Variants in SIDT1 observed in about 807,000 individuals in gnomAD.
SIDT1 encodes the protein SID1 transmembrane family, member 1.
SIDT1 carries 101 observed loss-of-function variants against 107.5 expected under a neutral mutation model. That is an observed-to-expected ratio of 0.94 (90% CI 0.80 to 1.11). The LOEUF (loss-of-function observed/expected upper bound fraction) is 1.11, where lower values mean the gene tolerates loss of function less well. Ranked by LOEUF, SIDT1 falls within the 50% of genes least tolerant of loss-of-function variation. The pLI, the probability that SIDT1 is intolerant of heterozygous loss-of-function variation, is 0.00. For missense variants in SIDT1, 1,076 were observed against 1,058.2 expected (o/e 1.02, Z -0.23); for synonymous variants, 395 against 398.2 (o/e 0.99, Z 0.10).
chr3:113,604,647 T>A (rs923154772), intron 13 of SIDT1, among the ~76,000 whole-genome samples: 3 of 152,216 alleles, frequency 2.0e-5, no homozygotes, highest in African/African-American at 4.8e-5. Context: ...AGTTTTTGCC[T>A]CTGCACCCTA....
intron 1 of SIDT1, among the ~76,000 whole-genome samples, chr3:113,547,139 A>G (rs541567796): frequency 6.6e-6 from 1 of 152,296 alleles, no homozygotes; most frequent in Admixed American, 6.5e-5. Flanking sequence ...GATATGATAC[A>G]TGTTTGAGGC....
At chr3:113,578,888 C>T (rs1211131759) in intron 4 of SIDT1, among the ~76,000 whole-genome samples, 1 of 152,024 alleles carries the variant, frequency 6.6e-6, no homozygotes, top group African/African-American at 2.4e-5. Flanking sequence ...GTATTTAAAC[C>T]CCAAAATGGA....
At chr3:113,616,877 G>A (rs1335763967) in intron 20 of SIDT1, among the ~76,000 whole-genome samples, 3 of 151,918 alleles carry the variant, frequency 2.0e-5, no homozygotes, top group Non-Finnish European at 4.4e-5. Context: ...TAGTAGAGAC[G>A]GGGCTTCTCC....
intron 23 of SIDT1, among the ~76,000 whole-genome samples, chr3:113,625,126 T>C (rs1027953499): frequency 1.4e-5 from 2 of 146,992 alleles, no homozygotes. Flanking sequence ...TCTATTTTTT[T>C]CTTTCTTTCT....
chr3:113,604,670 C>T (rs1945193945), intron 13 of SIDT1, among the ~76,000 whole-genome samples: 1 of 152,100 alleles, frequency 6.6e-6, no homozygotes, highest in South Asian at 2.1e-4. Flanking sequence ...TAAAAGTATC[C>T]AAGGGAAGCT....
At chr3:113,567,893 G>C in intron 3 of SIDT1, 183 bp downstream of exon 3, 1 of 573,646 alleles carries the variant, frequency 1.7e-6, no homozygotes, top group East Asian at 3.1e-5. Context: ...ACAAAAGAGT[G>C]GGAGTGCAGA....
At chr3:113,584,647 T>C (rs764374039) in intron 7 of SIDT1, 51 bp from the exon 8 acceptor site, 2 of 1,327,914 alleles carry the variant, frequency 1.5e-6, no homozygotes, top group Non-Finnish European at 2.1e-6. Context: ...CCAAAAAAAA[T>C]CATTATCTGA....
rs1321631648 is a variant in SIDT1 at position 113,585,160 on chromosome 3, T to C, written c.908-17T>C. On this transcript the variant is annotated splice_polypyrimidine_tract_variant and intron_variant, in intron 8 of 24. Transcript: ENST00000264852. ...CTGCAGAGGATGACCTGACCAAAGT[T>C]GTTTCTCTCCCTTCAGAATCTGTTT... The C allele has an allele frequency of 1.3e-6, 2 of 1,590,158 alleles. No homozygotes were observed. The highest frequency in any genetic ancestry group is 1.1e-5 in the South Asian group (1 of 90,570).
chr3:113,587,208 T>TAC (rs1388638404), intron 9 of SIDT1, among the ~76,000 whole-genome samples: 1 of 152,230 alleles, frequency 6.6e-6, no homozygotes, highest in Non-Finnish European at 1.5e-5. Context: ...TGTATCTTGA[T>TAC]ACATATATAT....
At chr3:113,560,621 C>T (rs1038245846) in intron 1 of SIDT1, among the ~76,000 whole-genome samples, 1 of 152,174 alleles carries the variant, frequency 6.6e-6, no homozygotes, top group African/African-American at 2.4e-5. Flanking sequence ...TCAGCAGATA[C>T]TGTTGTAGCT....
Position 113,623,448 on chromosome 3 carries a change from C to G in SIDT1, c.2112C>G (p.Tyr704Ter). ...NWSFALFGLI[Y>*]RPRDFASYML... Reference sequence around the variant, plus strand: ...GCAGCGCCCTCTTTGGATTGATATACCGCCCCAGGGACTTTGCTTCCTACA... The same window carrying G: ...GCAGCGCCCTCTTTGGATTGATATAGCGCCCCAGGGACTTTGCTTCCTACA... Residue 704 changes from tyrosine (Y) to a stop codon, truncating the protein, a stop_gained, in exon 22 of 25, where the codon TAC (tyrosine) becomes TAG (stop). Transcript: ENST00000264852. LOFTEE classifies it high-confidence loss of function. 2 of 1,613,882 alleles carry G rather than the reference C, an allele frequency of 1.2e-6. No individual in the cohort carries two copies. The highest frequency in any genetic ancestry group is 1.7e-6 in the Non-Finnish European group (2 of 1,179,764).
At chr3:113,574,616 T>A (rs556943570) in intron 3 of SIDT1, among the ~76,000 whole-genome samples, 1 of 152,094 alleles carries the variant, frequency 6.6e-6, no homozygotes, top group Admixed American at 6.5e-5. Flanking sequence ...CTCCTCTCTG[T>A]ATTTCTTCTC....
At chr3:113,606,337 A>G (rs1288065802) in intron 14 of SIDT1, 2 of 152,216 alleles carry the variant, frequency 1.3e-5, no homozygotes, top group Non-Finnish European at 2.9e-5. Flanking sequence ...TCCCAATTAG[A>G]TCAGAGTCCC....
intron 1 of SIDT1, among the ~76,000 whole-genome samples, chr3:113,554,542 A>G (rs1011039475): frequency 6.6e-6 from 1 of 152,174 alleles, no homozygotes; most frequent in Non-Finnish European, 1.5e-5. Flanking sequence ...CTTGCCTGCC[A>G]CCATGCAAGA....
chr3:113,628,680 C>T lies in SIDT1; in HGVS notation c.*972C>T, dbSNP rs983049227. The T allele has an allele frequency of 3.3e-5, 5 of 152,308 alleles. No homozygotes were observed. The highest frequency in any genetic ancestry group is 3.3e-4 in the Admixed American group (5 of 15,282). 9.4% of individuals were successfully genotyped at this position (152,308 alleles called of 1,614,324 possible). On this transcript the variant is annotated 3_prime_UTR_variant, in exon 25 of 25. Coordinates refer to ENST00000264852, the MANE Select transcript of SIDT1 (RefSeq NM_017699.3). ...TTCACACAGCTCAGTTCTGTGCCCA[C>T]ATCACCTTTGGGGAAGAAATCAGCA...
chr3:113,608,539 A>C lies in SIDT1; in HGVS notation c.1720+3A>C. The stretch of plus-strand genomic sequence containing the variant: ...TAATTATTCCAACTTCCAATTCGGT[A>C]ATTAGAACTTATATCTACTATACAG... On this transcript the variant is annotated splice_donor_region_variant and intron_variant, in intron 17 of 24. Transcript: ENST00000264852. The C allele has an allele frequency of 1.3e-6, 2 of 1,578,292 alleles. No individual in the cohort carries two copies. The highest frequency in any genetic ancestry group is 1.7e-6 in the Non-Finnish European group (2 of 1,147,462).
chr3:113,596,241 C>T (rs574309430), intron 10 of SIDT1, among the ~76,000 whole-genome samples: 30 of 152,284 alleles, frequency 2.0e-4, no homozygotes, highest in African/African-American at 5.5e-4. Context: ...TCACCTTAGA[C>T]GTGACTGAAG....
At chr3:113,534,721 C>G (rs1201833110) in intron 1 of SIDT1, among the ~76,000 whole-genome samples, 1 of 152,182 alleles carries the variant, frequency 6.6e-6, no homozygotes, top group Non-Finnish European at 1.5e-5. Context: ...TCAGCTTCCC[C>G]CTAAATCATT....
intron 1 of SIDT1, among the ~76,000 whole-genome samples, chr3:113,535,196 C>T (rs1183133812): frequency 6.6e-6 from 1 of 152,170 alleles, no homozygotes; most frequent in East Asian, 1.9e-4. Context: ...ATCACTTGAG[C>T]CCAGGAATTT....
Sources: allele counts gnomAD v4.1 joint callset (sites outside exome capture counted in the v4.1 genomes callset), GRCh38; gene constraint gnomAD v4.1.1; transcripts MANE v1.5; gene names NCBI Gene and HGNC (gene_info 2026-07-23, HGNC 2026-07-21).